Variants in POLE2 observed in about 807,000 individuals in gnomAD.
The protein encoded by POLE2 is DNA polymerase epsilon 2, accessory subunit, also known as DNA polymerase epsilon subunit 2.
Under a neutral mutation model 79.4 loss-of-function variants are expected in POLE2, and 56 were observed. The ratio of observed to expected loss-of-function variants is 0.71; its 90% confidence interval spans 0.57 to 0.88. The LOEUF is 0.88. Ranked by LOEUF, POLE2 falls within the 40% of genes least tolerant of loss-of-function variation. POLE2 has a pLI of 0.00. For synonymous variants in POLE2, 212 were observed against 214.0 expected (o/e 0.99, Z 0.08); for missense variants, 598 against 638.9 (o/e 0.94, Z 0.69).
chr14:49,654,943 TTTC>T (rs1171286848), intron 12 of POLE2, 59 bp downstream of exon 12: 2 of 1,368,078 alleles, frequency 1.5e-6, no homozygotes, highest in African/African-American at 1.5e-5. Flanking sequence ...TTATGGATAA[TTTC>T]TTATTACTTT....
chr14:49,655,799 G>T lies in POLE2; in HGVS notation c.800C>A (p.Thr267Lys), dbSNP rs776150733. 3.8e-6 allele frequency: 6 copies of T among 1,586,066 alleles called. No homozygotes were observed. The South Asian group carries it at 5.6e-5, about 15-fold the overall frequency. Residue 267 changes from threonine to lysine, a missense_variant, in exon 11 of 19, where the codon ACA (threonine) becomes AAA (lysine). Transcript: ENST00000216367. ...NINFFGGPSN[T>K]SVKTSAKLKQ... The stretch of plus-strand genomic sequence containing the variant: ...TAGTTTTGCAGAAGTCTTCACAGAT[G>T]TATTAGAAGGACCTCCAAAAAAATT...
In POLE2 at chr14:49,654,773, G is replaced by T; in HGVS notation, c.1073+11C>A. ...AACGGTGAAAAAATATATAGTGCTAGAGATCATTACCTTTGGTGAATATCT... is the reference window on the plus strand; with the variant it reads ...AACGGTGAAAAAATATATAGTGCTATAGATCATTACCTTTGGTGAATATCT... On this transcript the variant is annotated intron_variant, in intron 13 of 18. Transcript: ENST00000216367. The T allele has an allele frequency of 2.0e-6, 3 of 1,484,602 alleles. No individual in the cohort carries two copies. Among genetic ancestry groups the T allele is most frequent in the Non-Finnish European group, 2.7e-6 (3 of 1,124,064 alleles). The allele number at this position is 1,484,602 out of a possible 1,614,324, so 92.0% of individuals were successfully genotyped here.
intron 5 of POLE2, among the ~76,000 whole-genome samples, chr14:49,670,081 C>T (rs184959379): frequency 2.6e-5 from 4 of 152,008 alleles, no homozygotes; most frequent in East Asian, 1.9e-4. Context: ...TTTGGGAGGT[C>T]GAGGAGGGCG....
intron 5 of POLE2, among the ~76,000 whole-genome samples, chr14:49,670,650 A>C (rs891226089): frequency 1.3e-5 from 2 of 152,204 alleles, no homozygotes; most frequent in Non-Finnish European, 2.9e-5. Context: ...CAGATTCAAG[A>C]CTTTTGCTAG....
intron 17 of POLE2, among the ~76,000 whole-genome samples, chr14:49,649,191 G>A (rs1229648790): frequency 7.7e-6 from 1 of 130,626 alleles, no homozygotes; most frequent in Non-Finnish European, 1.5e-5. Flanking sequence ...CAGCTGCCCA[G>A]GCTGGAGTGC....
At chr14:49,653,832 G>A in intron 15 of POLE2, 158 bp downstream of exon 15, 1 of 548,078 alleles carries the variant, frequency 1.8e-6, no homozygotes, top group Non-Finnish European at 3.3e-6. Context: ...ACTTTTTGTA[G>A]AGATGGGTTT....
Position 49,650,349 on chromosome 14 carries a change from C to A in POLE2, c.1413G>T (p.Val471=). 6.2e-7 allele frequency: 1 copy of A among 1,611,102 alleles called. No homozygotes were observed. The highest frequency in any genetic ancestry group is 8.5e-7 in the Non-Finnish European group (1 of 1,178,170). ...VYWAYDYALR[V]YPVPDLLVIA... ...TGACAAGTAGATCGGGCACAGGATA[C>A]ACTCTCAAAGCATAGTCATATGCCC... Residue 471 remains valine, a synonymous_variant, in exon 17 of 19, where the codon GTG becomes GTT. Coordinates refer to ENST00000216367, the MANE Select transcript of POLE2 (RefSeq NM_002692.4).
At chr14:49,655,212 A>T in intron 11 of POLE2, 118 bp from the exon 12 acceptor site, 1 of 340,820 alleles carries the variant, frequency 2.9e-6, no homozygotes, top group Non-Finnish European at 5.2e-6. Context: ...ACATTTTAAT[A>T]ACTTATTAAA....
Position 49,643,616 on chromosome 14 carries a change from A to T in POLE2, c.*36T>A, listed in dbSNP as rs1883549160. The T allele has an allele frequency of 8.3e-7, 1 of 1,211,512 alleles. No homozygotes were observed. The highest frequency in any genetic ancestry group is 1.5e-5 in the African/African-American group (1 of 64,946). 75.0% of individuals were successfully genotyped at this position (1,211,512 alleles called of 1,614,324 possible). A position where few individuals can be genotyped will look rare whatever the true frequency, so the allele number is the denominator to read the frequency against. ...ACATAAGATATAGAGTTAAGCAGAA[A>T]ACTGATGAATTTTCTTCAGATGATC... On this transcript the variant is annotated 3_prime_UTR_variant, in exon 19 of 19. Transcript: ENST00000216367.
At chr14:49,669,642 TA>T in intron 5 of POLE2, 44 bp from the exon 6 acceptor site, 1 of 991,180 alleles carries the variant, frequency 1.0e-6, no homozygotes, top group East Asian at 2.4e-5. Context: ...AACAGACATT[TA>T]AATATAAGAT....
intron 15 of POLE2, among the ~76,000 whole-genome samples, chr14:49,653,074 T>A (rs1241168442): frequency 1.3e-5 from 2 of 152,186 alleles, no homozygotes; most frequent in Non-Finnish European, 2.9e-5. Context: ...GAAGGTGTCA[T>A]GAACTAACAT....
chr14:49,677,090 G>A (rs1350112156), intron 3 of POLE2, among the ~76,000 whole-genome samples: 1 of 152,198 alleles, frequency 6.6e-6, no homozygotes, highest in African/African-American at 2.4e-5. Flanking sequence ...TGGACCTAGT[G>A]GAGGGGTTAC....
intron 10 of POLE2, among the ~76,000 whole-genome samples, chr14:49,660,276 A>T (rs1243170218): frequency 6.6e-6 from 1 of 152,216 alleles, no homozygotes; most frequent in East Asian, 1.9e-4. Flanking sequence ...CTAGGTTTGT[A>T]TAAGTACACT....
chr14:49,667,053 T>C (rs1442719566), intron 6 of POLE2, among the ~76,000 whole-genome samples: 1 of 151,974 alleles, frequency 6.6e-6, no homozygotes, highest in African/African-American at 2.4e-5. Flanking sequence ...CCAGGCATGG[T>C]GGCAGGCGCC....
intron 5 of POLE2, among the ~76,000 whole-genome samples, chr14:49,670,231 G>A (rs1017419589): frequency 2.7e-5 from 4 of 145,594 alleles, no homozygotes; most frequent in Non-Finnish European, 6.0e-5. Context: ...CAGGAGAATT[G>A]CTTGAATCCA....
intron 7 of POLE2, among the ~76,000 whole-genome samples, chr14:49,666,034 C>G (rs1480197296): frequency 6.6e-6 from 1 of 152,166 alleles, no homozygotes; most frequent in Non-Finnish European, 1.5e-5. Context: ...CCATGTTGGT[C>G]AGGCTGGTCT....
chr14:49,672,338 CTA>C (rs1209258452), intron 5 of POLE2, among the ~76,000 whole-genome samples: 1 of 152,210 alleles, frequency 6.6e-6, no homozygotes, highest in East Asian at 1.9e-4. Context: ...CCTAGCAACA[CTA>C]TGTCGGCAAT....
rs1162033821 is a variant in POLE2, at chr14:49,646,302, GTTTTTTTTTTTTTTT to G, written c.1565+976_1565+990del. On this transcript the variant is annotated intron_variant, in intron 18 of 18. Coordinates refer to ENST00000216367, the MANE Select transcript of POLE2 (RefSeq NM_002692.4). ...GATTTGGTCAGTTGTTTTTTTGTTG[GTTTTTTTTTTTTTTT>G]TTTTTTTTTTTTTTTTTTGAGATAG... Among the ~76,000 whole-genome samples the G allele has an allele frequency of 3.5e-3, 294 of 84,542 alleles. 4 individuals carry two copies. The highest frequency in any genetic ancestry group is 8.6e-3 in the Middle Eastern group (1 of 116). The allele number at this position is 84,542 out of a possible 152,430, so 55.5% of individuals were successfully genotyped here.
At chr14:49,682,056 G>A (rs570057370) in intron 2 of POLE2, among the ~76,000 whole-genome samples, 1 of 145,970 alleles carries the variant, frequency 6.9e-6, no homozygotes, top group Non-Finnish European at 1.5e-5. Flanking sequence ...CCAGTCTGGA[G>A]TGCAGTGGCA....
Sources: allele counts gnomAD v4.1 joint callset (sites outside exome capture counted in the v4.1 genomes callset), GRCh38; gene constraint gnomAD v4.1.1; transcripts MANE v1.5; gene names NCBI Gene and HGNC (gene_info 2026-07-23, HGNC 2026-07-21).